PPOX: variants seen among roughly 807,000 people sequenced by gnomAD.
PPOX encodes the protein protoporphyrinogen oxidase.
A neutral mutation model predicts 54.1 loss-of-function variants in PPOX; 23 were observed. The ratio of observed to expected loss-of-function variants is 0.43; its 90% CI spans 0.31 to 0.60. The LOEUF (loss-of-function observed/expected upper bound fraction) is 0.60. Among genes scored for constraint, PPOX ranks in the 20% least tolerant of loss-of-function variants. The pLI is 0.13. For synonymous variants in PPOX, 224 were observed against 236.1 expected (o/e 0.95, Z 0.47); for missense variants, 512 against 601.1 (o/e 0.85, Z 1.55).
At chr1:161,171,356 CCT>C (rs1661369189), downstream of PPOX, 3 of 1,107,970 alleles carry the variant, frequency 2.7e-6, no homozygotes, top group African/African-American at 1.6e-5. Flanking sequence ...ATCCCAGCCC[CCT>C]GAGCCAGGAC....
At chr1:161,166,399 G>A, upstream of PPOX, 7 of 1,106,264 alleles carry the variant, frequency 6.3e-6, no homozygotes, top group African/African-American at 1.6e-5. Flanking sequence ...GAGAGGTAGG[G>A]TTAGGCGCGT....
chr1:161,173,484 A>G, downstream of PPOX: 3 of 1,405,632 alleles, frequency 2.1e-6, no homozygotes, highest in Non-Finnish European at 3.0e-6. Context: ...AGGGAAAGGA[A>G]TGGGCTCAGT....
In PPOX at chr1:161,169,651, T is replaced by G; in HGVS notation, c.808-9T>G. ...TTTCTGGGTCTCTCAAATGTTTTCA[T>G]GCTCTCAGGTATCTCTAAGGGACAG... is the stretch of plus-strand genomic sequence containing the variant. On this transcript the variant is annotated splice_polypyrimidine_tract_variant and intron_variant, in intron 7 of 12. Transcript: ENST00000367999. 6.2e-7 allele frequency: 1 copy of G among 1,613,894 alleles called. No individual in the cohort carries two copies. The highest frequency in any genetic ancestry group is 8.5e-7 in the Non-Finnish European group (1 of 1,179,704).
Position 161,169,992 on chromosome 1 carries a change from C to A in PPOX, c.955C>A (p.Leu319Met). ...TGCAGTGTCTGTAGCTGTGGTGAAT[C>A]TGCAGTACCAAGGAGCCCATCTGCC... is the stretch of plus-strand genomic sequence containing the variant. ...ITAVSVAVVN[L>M]QYQGAHLPVQ... The change falls in exon 9 of 13, where the codon CTG becomes ATG. Residue 319 changes from leucine to methionine, a missense_variant. Leu to Met is a conservative substitution (Grantham distance 15). Coordinates refer to ENST00000367999, the MANE Select transcript of PPOX (RefSeq NM_001122764.3). The A allele has an allele frequency of 6.2e-7, 1 of 1,614,106 alleles. No homozygotes were observed. The highest frequency in any genetic ancestry group is 8.5e-7 in the Non-Finnish European group (1 of 1,180,008).
downstream of PPOX, chr1:161,177,307 T>C (rs1663995758): frequency 9.0e-6 from 5 of 553,394 alleles, no homozygotes; most frequent in Admixed American, 3.1e-5. Flanking sequence ...TACTTCCACC[T>C]AGGACCCCGT....
At chr1:161,177,506 G>A (rs756913433), downstream of PPOX, 25 of 171,666 alleles carry the variant, frequency 1.5e-4, no homozygotes, top group Non-Finnish European at 2.9e-4. Flanking sequence ...GGCGCTGCGG[G>A]GGCGGGGTCT....
At chr1:161,167,861 C>G in intron 4 of PPOX, 134 bp from the exon 5 acceptor site, 1 of 1,447,370 alleles carries the variant, frequency 6.9e-7, no homozygotes, top group Non-Finnish European at 9.6e-7. Context: ...CCACGCCCGA[C>G]CTGCCTTCCA....
upstream of PPOX, chr1:161,165,816 G>C (rs542563331): frequency 3.2e-4 from 58 of 183,454 alleles, no homozygotes; most frequent in African/African-American, 1.3e-3. Context: ...TCTAACAGGT[G>C]GGGGCGCTCT....
downstream of PPOX, chr1:161,174,176 G>A: frequency 1.0e-6 from 1 of 969,744 alleles, no homozygotes; most frequent in East Asian, 2.6e-5. Context: ...GGGAGGCCAA[G>A]GCAGGCAGAT....
intron 4 of PPOX, chr1:161,176,324 T>C (rs2101979166): frequency 1.8e-6 from 1 of 563,336 alleles, no homozygotes; most frequent in South Asian, 2.2e-5. Context: ...CACCATCTAC[T>C]GTCAGTCCTC....
downstream of PPOX, chr1:161,174,828 G>T: frequency 1.5e-6 from 1 of 685,608 alleles, no homozygotes; most frequent in Non-Finnish European, 2.5e-6. Flanking sequence ...GGAAAAGTAT[G>T]GGACTAACAA....
chr1:161,175,959 G>A (rs1035065243), downstream of PPOX: 9 of 1,614,130 alleles, frequency 5.6e-6, no homozygotes, highest in Non-Finnish European at 7.6e-6. Flanking sequence ...ATAGGGCACT[G>A]AGACTTCGGA....
chr1:161,166,083 C>T (rs537180862), upstream of PPOX: 67 of 985,182 alleles, frequency 6.8e-5, no homozygotes, highest in Middle Eastern at 5.2e-4. Flanking sequence ...GCCGCCTCCC[C>T]GTGGACTGGC....
At chr1:161,177,091 G>A (rs1428671046), downstream of PPOX, 4 of 1,530,920 alleles carry the variant, frequency 2.6e-6, no homozygotes, top group Non-Finnish European at 2.6e-6. Context: ...AGCGGGGGTG[G>A]GGAGGAGGGT....
chr1:161,177,318 C>G, downstream of PPOX: 1 of 540,128 alleles, frequency 1.9e-6, no homozygotes, highest in Non-Finnish European at 3.3e-6. Context: ...AGGACCCCGT[C>G]CCTGCTCAGG....
At chr1:161,168,682 G>T in intron 6 of PPOX, 106 bp downstream of exon 6, 1 of 1,448,902 alleles carries the variant, frequency 6.9e-7, no homozygotes, top group East Asian at 2.4e-5. Context: ...TTTTGAGACG[G>T]AGTCTTGCTC....
intron 9 of PPOX, 143 bp from the exon 10 acceptor site, chr1:161,170,266 A>G (rs1660750931): frequency 2.4e-6 from 2 of 843,416 alleles, no homozygotes; most frequent in South Asian, 2.9e-5. Flanking sequence ...TGGAGGTTGC[A>G]GTGAGCTGAG....
chr1:161,176,218 A>G, downstream of PPOX: 1 of 885,852 alleles, frequency 1.1e-6, no homozygotes, highest in African/African-American at 1.7e-5. Context: ...ACAGGTGCAC[A>G]GTCACGCAAG....
rs777244410 is a variant in PPOX, at chr1:161,170,029, G to T, written c.987+5G>T. 5.6e-6 allele frequency: 9 copies of T among 1,611,978 alleles called. No homozygotes were observed. Among genetic ancestry groups the T allele is most frequent in the Non-Finnish European group, 7.6e-6 (9 of 1,179,336 alleles). ...GGAGCCCATCTGCCTGTCCAGGTAT[G>T]ATAAAGGGACGGAGAGGCTGGGCAT... On this transcript the variant is annotated splice_donor_5th_base_variant and intron_variant, in intron 9 of 12. Transcript: ENST00000367999.
Sources: gnomAD v4.1 joint callset for allele counts on GRCh38, gnomAD v4.1.1 for gene constraint, MANE v1.5 for transcripts, NCBI Gene and HGNC (gene_info 2026-07-23, HGNC 2026-07-21) for gene names.